Variants in ADAMTSL1 observed in about 807,000 individuals in gnomAD.
The protein encoded by ADAMTSL1 is ADAMTS like 1.
In ADAMTSL1, 126 loss-of-function variants were observed where a neutral mutation model predicts 201.8. The observed-to-expected ratio is 0.62, with a 90% confidence interval of 0.54 to 0.72. The LOEUF is 0.72. Ranked by LOEUF, ADAMTSL1 falls within the 30% of genes least tolerant of loss-of-function variation. The pLI, the probability that ADAMTSL1 is intolerant of heterozygous loss-of-function variation, is 0.00. For synonymous variants in ADAMTSL1, 1,121 were observed against 903.4 expected (o/e 1.24, Z -4.32); for missense variants, 2,679 against 2,277.8 (o/e 1.18, Z -3.59).
chr9:18,797,150 G>A (rs1394178575), intron 20 of ADAMTSL1, among the ~76,000 whole-genome samples: 1 of 152,206 alleles, frequency 6.6e-6, no homozygotes, highest in Non-Finnish European at 1.5e-5. Flanking sequence ...CAGGGAAGGG[G>A]AGGAGAGGGG....
At chr9:18,287,503 T>C (rs552715490) in intron 2 of ADAMTSL1, among the ~76,000 whole-genome samples, 1 of 151,720 alleles carries the variant, frequency 6.6e-6, no homozygotes, top group East Asian at 1.9e-4. Flanking sequence ...TGTATTTATA[T>C]GTGCACATAT....
chr9:18,013,103 A>G (rs1278945981), intron 1 of ADAMTSL1, among the ~76,000 whole-genome samples: 1 of 151,722 alleles, frequency 6.6e-6, no homozygotes, highest in East Asian at 1.9e-4. Context: ...TTCATCCTGT[A>G]CTCTGAACAC....
intron 2 of ADAMTSL1, among the ~76,000 whole-genome samples, chr9:18,283,841 G>A (rs1283086126): frequency 6.8e-6 from 1 of 147,842 alleles, no homozygotes; most frequent in Non-Finnish European, 1.5e-5. Context: ...GAACCCAGGA[G>A]GCGGAGCTTG....
intron 2 of ADAMTSL1, among the ~76,000 whole-genome samples, chr9:18,440,263 A>G (rs926254680): frequency 1.6e-4 from 25 of 152,168 alleles, no homozygotes; most frequent in African/African-American, 5.3e-4. Flanking sequence ...AGAAAATTAG[A>G]TCGAGGTAGA....
chr9:17,965,498 G>A (rs1817948396), intron 1 of ADAMTSL1, among the ~76,000 whole-genome samples: 1 of 152,024 alleles, frequency 6.6e-6, no homozygotes, highest in South Asian at 2.1e-4. Context: ...CTATATTTAG[G>A]CTGATCTTTT....
intron 2 of ADAMTSL1, among the ~76,000 whole-genome samples, chr9:18,455,750 T>C (rs1820577017): frequency 6.6e-6 from 1 of 151,524 alleles, no homozygotes; most frequent in South Asian, 2.1e-4. Flanking sequence ...TGCCAATCTC[T>C]TCCCACCCCC....
intron 2 of ADAMTSL1, among the ~76,000 whole-genome samples, chr9:18,229,285 C>T (rs1297829974): frequency 6.6e-6 from 1 of 151,980 alleles, no homozygotes; most frequent in African/African-American, 2.4e-5. Context: ...ATGGAGAATC[C>T]AACTGTGTGA....
rs10673652 is a variant in ADAMTSL1, at chr9:18,503,421, G to GTATATATATATATA, written c.64-1401_64-1388dup. Among the ~76,000 whole-genome samples, 52 of 115,284 alleles carry GTATATATATATATA rather than the reference G, an allele frequency of 4.5e-4. 4 individuals are homozygous for GTATATATATATATA. The highest frequency in any genetic ancestry group is 9.4e-4 in the Admixed American group (10 of 10,616). 75.6% of individuals were successfully genotyped at this position (115,284 alleles called of 152,430 possible). On this transcript the variant is annotated intron_variant, in intron 1 of 28. Transcript: ENST00000380548. ...TTAAGGCTGAATAGTATTCCATTGT[G>GTATATATATATATA]TATATATATATATATATATACCACA... is the stretch of plus-strand genomic sequence containing the variant.
intron 2 of ADAMTSL1, among the ~76,000 whole-genome samples, chr9:18,386,973 T>C (rs765616334): frequency 1.3e-5 from 2 of 152,156 alleles, no homozygotes; most frequent in Non-Finnish European, 2.9e-5. Context: ...AGAAAGCAAT[T>C]TGTCAGTACA....
intron 2 of ADAMTSL1, among the ~76,000 whole-genome samples, chr9:18,216,853 A>C (rs1271462487): frequency 6.6e-6 from 1 of 151,996 alleles, no homozygotes; most frequent in African/African-American, 2.4e-5. Context: ...GAGAGCAAAA[A>C]CGCTGGAGCC....
At chr9:18,541,182 G>A (rs1820119286) in intron 3 of ADAMTSL1, among the ~76,000 whole-genome samples, 1 of 152,156 alleles carries the variant, frequency 6.6e-6, no homozygotes, top group Admixed American at 6.5e-5. Flanking sequence ...GAGTCTGCAT[G>A]CATTCTGCAT....
chr9:18,375,237 A>T (rs971696938), intron 2 of ADAMTSL1, among the ~76,000 whole-genome samples: 3 of 152,242 alleles, frequency 2.0e-5, no homozygotes, highest in African/African-American at 7.2e-5. Flanking sequence ...ATTTATTCTA[A>T]GGCTGTTACA....
intron 2 of ADAMTSL1, among the ~76,000 whole-genome samples, chr9:18,319,646 T>G (rs1834544998): frequency 6.6e-6 from 1 of 152,138 alleles, no homozygotes; most frequent in East Asian, 1.9e-4. Flanking sequence ...GGTCTGACCC[T>G]TAAAAGAAGA....
At chr9:18,048,573 G>T (rs897967289) in intron 1 of ADAMTSL1, among the ~76,000 whole-genome samples, 2 of 152,050 alleles carry the variant, frequency 1.3e-5, no homozygotes, top group African/African-American at 4.8e-5. Flanking sequence ...GGGGAAATTG[G>T]GTGTGAGATA....
At chr9:17,913,922 A>C (rs997673131) in intron 1 of ADAMTSL1, among the ~76,000 whole-genome samples, 16 of 152,370 alleles carry the variant, frequency 1.1e-4, no homozygotes, top group East Asian at 5.8e-4. Context: ...AAAATCTAGA[A>C]GAAATGGATA....
intron 2 of ADAMTSL1, among the ~76,000 whole-genome samples, chr9:18,217,465 C>A (rs941016381): frequency 2.6e-5 from 4 of 152,102 alleles, no homozygotes; most frequent in Non-Finnish European, 5.9e-5. Context: ...CCTTAGAAAT[C>A]TTGGTATCTT....
chr9:18,142,049 C>G (rs542240349), intron 1 of ADAMTSL1, among the ~76,000 whole-genome samples: 155 of 152,306 alleles, frequency 1.0e-3, no homozygotes, highest in Middle Eastern at 3.4e-3. Flanking sequence ...AGTTCTTGTC[C>G]TTTTTCCCTG....
chr9:18,560,958 C>T lies in ADAMTSL1; in HGVS notation c.238-13072C>T, dbSNP rs111747571. 3.8e-3 allele frequency among the ~76,000 whole-genome samples: 578 copies of T among 151,094 alleles called. 4 individuals are homozygous for T. The highest frequency in any genetic ancestry group is 0.013 in the African/African-American group (530 of 41,228). The stretch of plus-strand genomic sequence containing the variant: ...TAATCTTTAAAAAAAAAAAACAGCT[C>T]CTGGATTCATTGATTTTTTTGAAGG... On this transcript the variant is annotated intron_variant, in intron 3 of 28. Transcript: ENST00000380548.
At chr9:18,180,828 G>C (rs1373070300) in intron 2 of ADAMTSL1, among the ~76,000 whole-genome samples, 1 of 152,114 alleles carries the variant, frequency 6.6e-6, no homozygotes, top group African/African-American at 2.4e-5. Context: ...GCATCGCCAA[G>C]TCAATCCTAA....
Sources: gnomAD v4.1 joint callset for allele counts (sites outside exome capture counted in the v4.1 genomes callset) on GRCh38, gnomAD v4.1.1 for gene constraint, MANE v1.5 for transcripts, NCBI Gene and HGNC (gene_info 2026-07-23, HGNC 2026-07-21) for gene names.